GRIP1: variants seen among roughly 807,000 people sequenced by gnomAD.
The protein encoded by GRIP1 is glutamate receptor-interacting protein 1.
GRIP1 carries 45 observed loss-of-function variants against 129.9 expected under a neutral mutation model. The observed-to-expected ratio is 0.35, with a 90% CI of 0.27 to 0.44. The LOEUF (loss-of-function observed/expected upper bound fraction) is 0.44, where lower values mean the gene tolerates loss of function less well. Ranked by LOEUF, GRIP1 falls within the 20% of genes least tolerant of loss-of-function variation. GRIP1 has a pLI of 1.00. For synonymous variants in GRIP1, 530 were observed against 520.8 expected (o/e 1.02, Z -0.24); for missense variants, 1,196 against 1,396.8 (o/e 0.86, Z 2.29).
chr12:66,934,291 C>A (rs562900406), intron 1 of GRIP1, among the ~76,000 whole-genome samples: 1 of 152,286 alleles, frequency 6.6e-6, no homozygotes, highest in South Asian at 2.1e-4. Flanking sequence ...TGCCCTTGCC[C>A]GGAAAAACAT....
At chr12:66,722,224 C>T (rs1475516764) in intron 1 of GRIP1, among the ~76,000 whole-genome samples, 1 of 152,168 alleles carries the variant, frequency 6.6e-6, no homozygotes, top group Non-Finnish European at 1.5e-5. Flanking sequence ...TAAGCTTAAT[C>T]ATTTTCAGTT....
intron 1 of GRIP1, among the ~76,000 whole-genome samples, chr12:66,621,833 C>T (rs1486010721): frequency 6.6e-6 from 1 of 152,062 alleles, no homozygotes; most frequent in African/African-American, 2.4e-5. Flanking sequence ...TTTGCATCTC[C>T]CTAATGTCTA....
chr12:66,584,258 T>C (rs1407669348), intron 2 of GRIP1, among the ~76,000 whole-genome samples: 1 of 85,436 alleles, frequency 1.2e-5, no homozygotes, highest in Non-Finnish European at 2.3e-5. Context: ...GGGACTGTTG[T>C]GGGGTGGGGG....
chr12:66,661,110 A>C (rs1565949292), intron 1 of GRIP1, among the ~76,000 whole-genome samples: 1 of 152,108 alleles, frequency 6.6e-6, no homozygotes, highest in East Asian at 1.9e-4. Context: ...TTAAGTTTCC[A>C]GTTGTGATGC....
intron 23 of GRIP1, among the ~76,000 whole-genome samples, chr12:66,371,158 ATT>A (rs561040544): frequency 1.0e-4 from 14 of 134,948 alleles, no homozygotes; most frequent in Admixed American, 1.5e-4. Context: ...GCCATAAATA[ATT>A]TTTTTTTTTT....
rs116799432 is a variant in GRIP1 at position 67,034,396 on chromosome 12, A to G, written c.58+34654T>C. Reference sequence around the variant, plus strand: ...TGCAAACATCATAGAGTGCATTTACATAAACCTAGATGGTATGGCCTGCTA... The same window carrying G: ...TGCAAACATCATAGAGTGCATTTACGTAAACCTAGATGGTATGGCCTGCTA... On this transcript the variant is annotated intron_variant, in intron 1 of 1. Coordinates refer to the GRIP1 transcript ENST00000643019. Among the ~76,000 whole-genome samples the G allele has an allele frequency of 3.8e-3, 582 of 152,346 alleles. 4 individuals carry two copies. Among genetic ancestry groups the G allele is most frequent in the African/African-American group, 0.013 (558 of 41,578 alleles).
chr12:66,526,005 C>A (rs1430879478), intron 5 of GRIP1, among the ~76,000 whole-genome samples: 2 of 152,100 alleles, frequency 1.3e-5, no homozygotes, highest in African/African-American at 4.8e-5. Flanking sequence ...AGGAGAACTA[C>A]AAACCACTGC....
In GRIP1 at chr12:66,623,097, A is replaced by G. The variant is rs146458109; in HGVS notation, c.56-26170T>C. 3.1e-3 allele frequency among the ~76,000 whole-genome samples: 472 copies of G among 152,262 alleles called. 3 individuals are homozygous for G. The highest frequency in any genetic ancestry group is 0.011 in the African/African-American group (453 of 41,562). On this transcript the variant is annotated intron_variant, in intron 1 of 24. Transcript: ENST00000359742. ...TAGATGCTCAGTAGGTAACTGCCGA[A>G]TGAATGAATGAATGAACCAGACTAA...
chr12:66,443,568 C>G (rs2058531618), intron 13 of GRIP1, among the ~76,000 whole-genome samples: 1 of 151,842 alleles, frequency 6.6e-6, no homozygotes, highest in South Asian at 2.1e-4. Context: ...GATTCTCTGG[C>G]CTCAACCTCC....
At chr12:66,573,840 A>G (rs888417362) in intron 2 of GRIP1, among the ~76,000 whole-genome samples, 3 of 152,172 alleles carry the variant, frequency 2.0e-5, no homozygotes, top group Non-Finnish European at 4.4e-5. Flanking sequence ...GCTGCCTCCC[A>G]GTATTCACCA....
chr12:66,785,343 C>CACATATATATATATATATATATATAT (rs1555237393), intron 1 of GRIP1, among the ~76,000 whole-genome samples: 1 of 72,780 alleles, frequency 1.4e-5, no homozygotes, highest in South Asian at 5.9e-4. Flanking sequence ...TACATACATA[C>CACATATATATATATATATATATATAT]ATATATATAT....
At chr12:66,773,313 T>C (rs892920384) in intron 1 of GRIP1, among the ~76,000 whole-genome samples, 7 of 152,334 alleles carry the variant, frequency 4.6e-5, no homozygotes, top group Middle Eastern at 3.4e-3. Flanking sequence ...CATGTGTCTT[T>C]ATAGTAGAAT....
chr12:66,949,487 A>G (rs2041721280), intron 1 of GRIP1, among the ~76,000 whole-genome samples: 1 of 152,222 alleles, frequency 6.6e-6, no homozygotes, highest in Non-Finnish European at 1.5e-5. Flanking sequence ...AGGCCCAACA[A>G]CTAATGGTCA....
chr12:66,467,516 A>C (rs2059319792), intron 7 of GRIP1, among the ~76,000 whole-genome samples: 1 of 152,198 alleles, frequency 6.6e-6, no homozygotes, highest in Non-Finnish European at 1.5e-5. Flanking sequence ...GGTAGTTTGC[A>C]CATCATGAGC....
At chr12:67,008,681 C>T (rs1251144844) in intron 1 of GRIP1, among the ~76,000 whole-genome samples, 3 of 152,040 alleles carry the variant, frequency 2.0e-5, no homozygotes, top group Non-Finnish European at 4.4e-5. Context: ...AATGATAATG[C>T]CTTCCTTTTA....
At chr12:66,978,009 A>G (rs1363252885) in intron 1 of GRIP1, among the ~76,000 whole-genome samples, 1 of 151,438 alleles carries the variant, frequency 6.6e-6, no homozygotes, top group South Asian at 2.1e-4. Context: ...TTTTGTAGAG[A>G]TGGAGTCTCA....
intron 1 of GRIP1, among the ~76,000 whole-genome samples, chr12:66,725,565 A>C (rs1020421344): frequency 1.1e-4 from 16 of 152,164 alleles, no homozygotes; most frequent in African/African-American, 3.6e-4. Flanking sequence ...ATATCTTTTA[A>C]AATCATTAAA....
At chr12:66,641,036 G>C (rs1433072394) in intron 1 of GRIP1, among the ~76,000 whole-genome samples, 1 of 152,166 alleles carries the variant, frequency 6.6e-6, no homozygotes, top group Non-Finnish European at 1.5e-5. Context: ...CTATGCTAGA[G>C]GAGGCTGAGT....
intron 1 of GRIP1, among the ~76,000 whole-genome samples, chr12:66,738,854 C>T (rs1219722774): frequency 7.9e-5 from 12 of 152,270 alleles, no homozygotes; most frequent in Admixed American, 7.2e-4. Context: ...ATATCTGTTT[C>T]CAGAATGGAA....
Sources: gnomAD v4.1 joint callset for allele counts (sites outside exome capture counted in the v4.1 genomes callset) on GRCh38, gnomAD v4.1.1 for gene constraint, MANE v1.5 for transcripts, NCBI Gene and HGNC (gene_info 2026-07-23, HGNC 2026-07-21) for gene names.